TENM2: variants seen among roughly 807,000 people sequenced by gnomAD.
TENM2 encodes teneurin-2.
Under a neutral mutation model 245.2 loss-of-function variants are expected in TENM2, and 52 were observed. The ratio of observed to expected loss-of-function variants is 0.21; its 90% CI spans 0.17 to 0.27. TENM2 has a LOEUF of 0.27. TENM2 is among the 10% of genes least tolerant of loss of function. TENM2 has a pLI of 1.00. For missense variants in TENM2, 3,046 were observed against 3,666.8 expected (o/e 0.83, Z 4.37); for synonymous variants, 1,363 against 1,438.9 (o/e 0.95, Z 1.19).
chr5:167,262,671 T>A, the TENM2 span, among the ~76,000 whole-genome samples: 1 of 152,158 alleles, frequency 6.6e-6, no homozygotes, highest in Non-Finnish European at 1.5e-5. Context: ...TTTTTAAATA[T>A]GGACCTGGGA....
chr5:167,165,751 C>T, the TENM2 span, among the ~76,000 whole-genome samples: 1 of 152,088 alleles, frequency 6.6e-6, no homozygotes, highest in Non-Finnish European at 1.5e-5. Flanking sequence ...CACTGACCAC[C>T]ATTGTCAGTG....
the TENM2 span, among the ~76,000 whole-genome samples, chr5:167,248,008 T>C: frequency 6.6e-6 from 1 of 152,042 alleles, no homozygotes; most frequent in Non-Finnish European, 1.5e-5. Context: ...AGATGACAGA[T>C]ACAAAAAGTT....
the TENM2 span, among the ~76,000 whole-genome samples, chr5:167,141,658 T>G: frequency 6.6e-6 from 1 of 152,312 alleles, no homozygotes; most frequent in East Asian, 1.9e-4. Flanking sequence ...TTTTATTGCA[T>G]TAGGTGTCTT....
chr5:167,655,910 C>T (rs1013174981), intron 2 of TENM2, among the ~76,000 whole-genome samples: 4 of 152,168 alleles, frequency 2.6e-5, no homozygotes, highest in Non-Finnish European at 5.9e-5. Flanking sequence ...GTGACCTGTG[C>T]AGTTGTCTGT....
At chr5:167,273,804 G>T in the TENM2 span, among the ~76,000 whole-genome samples, 1 of 152,078 alleles carries the variant, frequency 6.6e-6, no homozygotes. Context: ...TTAAAAAGGG[G>T]TGTTTGTGTA....
rs1427034737 is a variant in TENM2 at position 167,357,314 on chromosome 5, T to TC, written c.227-17884_227-17883insC. On this transcript the variant is annotated intron_variant, in intron 1 of 28. Coordinates refer to ENST00000518659, the Ensembl canonical transcript of TENM2. Reference sequence around the variant, plus strand: ...AGCCATCCTTTCTTTTTTTTTTTTTTTCTTGTTGCCCAGGCTGGAGTTCAG... The same window carrying TC: ...AGCCATCCTTTCTTTTTTTTTTTTTTCTCTTGTTGCCCAGGCTGGAGTTCAG... Among the ~76,000 whole-genome samples the TC allele has an allele frequency of 2.6e-4, 40 of 151,586 alleles. No individual in the cohort carries two copies. The East Asian group carries it at 6.8e-3, about 26-fold the overall frequency.
At chr5:167,584,331 G>T (rs6882356) in intron 2 of TENM2, among the ~76,000 whole-genome samples, 12 of 152,166 alleles carry the variant, frequency 7.9e-5, no homozygotes, top group Non-Finnish European at 1.6e-4. Flanking sequence ...TGGTTACTTG[G>T]TTACATCCTA....
At chr5:167,849,023 A>G (rs1770317942) in intron 2 of TENM2, among the ~76,000 whole-genome samples, 2 of 152,178 alleles carry the variant, frequency 1.3e-5, no homozygotes, top group South Asian at 2.1e-4. Context: ...TGGATGATCT[A>G]TCTTACAGTT....
intron 2 of TENM2, among the ~76,000 whole-genome samples, chr5:167,839,544 G>A (rs1769295332): frequency 6.6e-6 from 1 of 151,972 alleles, no homozygotes. Flanking sequence ...ATGAAAAAGT[G>A]TGAGGTGTCT....
chr5:166,991,576 CT>C, the TENM2 span, among the ~76,000 whole-genome samples: 1 of 152,054 alleles, frequency 6.6e-6, no homozygotes, highest in African/African-American at 2.4e-5. Flanking sequence ...AAACTTATTC[CT>C]TGATAAAGGA....
At chr5:168,081,557 A>G (rs1417387233) in intron 7 of TENM2, among the ~76,000 whole-genome samples, 4 of 152,196 alleles carry the variant, frequency 2.6e-5, no homozygotes, top group African/African-American at 9.6e-5. Context: ...ATGTTTTTGC[A>G]GTGGCTTGTA....
At chr5:167,141,008 C>T in the TENM2 span, among the ~76,000 whole-genome samples, 12 of 152,096 alleles carry the variant, frequency 7.9e-5, 1 homozygote, top group South Asian at 8.3e-4. Flanking sequence ...TGCGTATTTA[C>T]GTGGGGTTAT....
intron 2 of TENM2, chr5:167,660,101 C>T (rs1755105910): frequency 6.6e-6 from 1 of 152,044 alleles, no homozygotes; most frequent in Non-Finnish European, 1.5e-5. Flanking sequence ...TAGTCAGGTC[C>T]TTTTCTGGAT....
intron 5 of TENM2, among the ~76,000 whole-genome samples, chr5:168,024,517 G>T (rs1786437867): frequency 6.6e-6 from 1 of 152,192 alleles, no homozygotes; most frequent in Admixed American, 6.5e-5. Context: ...GAGGGATTTT[G>T]CCAGAATTCT....
chr5:167,002,778 AATAATAATG>A, the TENM2 span, among the ~76,000 whole-genome samples: 8 of 152,080 alleles, frequency 5.3e-5, no homozygotes. Flanking sequence ...GTCTGTAAAT[AATAATAATG>A]ATGATAATAA....
chr5:167,875,875 C>CT (rs11290475), intron 2 of TENM2, 111 bp from the exon 5 acceptor site: 11,403 of 580,210 alleles, frequency 0.02, 39 homozygotes, highest in African/African-American at 0.05. Flanking sequence ...CAGTTCATTT[C>CT]TTTTTTTTTT....
intron 6 of TENM2, among the ~76,000 whole-genome samples, chr5:168,050,276 A>AT (rs746918878): frequency 3.3e-5 from 5 of 152,166 alleles, no homozygotes; most frequent in Admixed American, 1.3e-4. Context: ...AATGACTAAA[A>AT]TGTTTTCAGT....
At chr5:167,478,990 A>ATG (rs58286500) in intron 2 of TENM2, among the ~76,000 whole-genome samples, 95,457 of 151,234 alleles carry the variant, frequency 0.63, 32,684 homozygotes, top group Non-Finnish European at 0.78. Flanking sequence ...CTTTATATAT[A>ATG]TGTGTGTGTG....
At chr5:167,283,604 C>A (rs1340982562), upstream of TENM2, among the ~76,000 whole-genome samples, 1 of 152,160 alleles carries the variant, frequency 6.6e-6, no homozygotes, top group Non-Finnish European at 1.5e-5. Context: ...TAGATCTGCT[C>A]CCCAAGTATT....
Sources: allele counts gnomAD v4.1 joint callset (sites outside exome capture counted in the v4.1 genomes callset), GRCh38; gene constraint gnomAD v4.1.1; transcripts MANE v1.5; gene names NCBI Gene and HGNC (gene_info 2026-07-23, HGNC 2026-07-21).